The following GNG2 variants were observed in gnomAD, a reference collection of about 807,000 sequenced individuals.
The protein encoded by GNG2 is G protein subunit gamma 2, also known as guanine nucleotide-binding protein G(I)/G(S)/G(O) subunit gamma-2.
Under a neutral mutation model 5.5 loss-of-function variants are expected in GNG2, and 5 were observed. The ratio of observed to expected loss-of-function variants is 0.91; its 90% CI spans 0.48 to 1.92. GNG2 has a LOEUF of 1.92. GNG2 is among the 30% of genes most tolerant of loss of function. The probability of loss-of-function intolerance (pLI) is 0.01; values close to 1 mark genes in which losing one functional copy is unlikely to be tolerated. For missense variants in GNG2, 55 were observed against 88.4 expected, an observed-to-expected ratio of 0.62 and a Z score of 1.52; for synonymous variants, 28 against 32.0, an observed-to-expected ratio of 0.88 and a Z score of 0.42.
At chr14:51,955,149 C>T (rs1330799108) in intron 3 of GNG2, among the ~76,000 whole-genome samples, 1 of 152,108 alleles carries the variant, frequency 6.6e-6, no homozygotes, top group African/African-American at 2.4e-5. Context: ...ATTGGCTGCT[C>T]CATAAATTGA....
chr14:51,827,872 C>CTG, intron 2 of GNG2: 1 of 621,108 alleles, frequency 1.6e-6, no homozygotes, highest in South Asian at 1.9e-5. Flanking sequence ...TGTTTATTCT[C>CTG]TGAGGGAATG....
At chr14:51,872,210 G>C (rs1198109394) in intron 1 of GNG2, among the ~76,000 whole-genome samples, 1 of 152,150 alleles carries the variant, frequency 6.6e-6, no homozygotes, top group Non-Finnish European at 1.5e-5. Flanking sequence ...AGCCTATATG[G>C]ATTGAAACTC....
At chr14:51,936,432 A>T (rs1888007874) in intron 2 of GNG2, among the ~76,000 whole-genome samples, 1 of 151,946 alleles carries the variant, frequency 6.6e-6, no homozygotes, top group Admixed American at 6.6e-5. Context: ...GTGGCTAAAT[A>T]GCTTCTTAAA....
rs547583120 is a variant in GNG2 at position 51,877,939 on chromosome 14, C to T, written c.-30+282C>T. ...GCTGTCTTAACAGAATGTATCCTCA[C>T]GGCACAAACATGATTAATAGGTGGC... On this transcript the variant is annotated intron_variant, in intron 2 of 3. Coordinates refer to ENST00000556766, the MANE Select transcript of GNG2 (RefSeq NM_053064.5). 4.5e-5 allele frequency: 11 copies of T among 245,018 alleles called. No individual in the cohort carries two copies. In the East Asian group the frequency reaches 4.5e-4, roughly 10 times the overall value. The allele number at this position is 245,018 out of a possible 1,614,324, so 15.2% of individuals were successfully genotyped here. A position where few individuals can be genotyped will look rare whatever the true frequency, so the allele number is the denominator to read the frequency against.
intron 2 of GNG2, among the ~76,000 whole-genome samples, chr14:51,904,549 G>A (rs1319674280): frequency 6.6e-6 from 1 of 152,072 alleles, no homozygotes; most frequent in East Asian, 1.9e-4. Context: ...TAAGGCAGCT[G>A]CAGCATGATC....
rs552431913 is a variant in GNG2 at position 51,896,697 on chromosome 14, G to A, written c.-30+19040G>A. On this transcript the variant is annotated intron_variant, in intron 2 of 3. Coordinates refer to ENST00000556766, the MANE Select transcript of GNG2 (RefSeq NM_053064.5). ...TTACTTAGAAGGGAGTATATTTAAG[G>A]TGCTTAATTAATAACTATGGCATTT... Among the ~76,000 whole-genome samples, 14 of 152,206 alleles carry A rather than the reference G, an allele frequency of 9.2e-5. 1 individual carries two copies. Among genetic ancestry groups the A allele is most frequent in the African/African-American group, 3.4e-4 (14 of 41,528 alleles).
At chr14:51,960,439 T>C (rs1228788187) in intron 3 of GNG2, among the ~76,000 whole-genome samples, 3 of 152,076 alleles carry the variant, frequency 2.0e-5, no homozygotes, top group Non-Finnish European at 1.5e-5. Flanking sequence ...AATATTCGTG[T>C]CTATAAATCT....
chr14:51,910,665 C>T (rs1364199891), intron 2 of GNG2, among the ~76,000 whole-genome samples: 1 of 152,164 alleles, frequency 6.6e-6, no homozygotes, highest in South Asian at 2.1e-4. Flanking sequence ...AGCTGAACAG[C>T]CTTGTCTGAG....
rs1594953088 is a variant in GNG2 at position 51,950,677 on chromosome 14, C to T, written c.-2C>T. ...TTTCTGAAAGATCTATCCAGCACTC[C>T]GATGGCCAGCAACAACACCGCCAGC... On this transcript the variant is annotated 5_prime_UTR_variant, in exon 3 of 4. Coordinates refer to ENST00000556766, the MANE Select transcript of GNG2 (RefSeq NM_053064.5). 5 of 1,609,130 alleles carry T rather than the reference C, an allele frequency of 3.1e-6. No homozygotes were observed. The highest frequency in any genetic ancestry group is 2.7e-5 in the African/African-American group (2 of 74,746).
chr14:51,886,843 G>A (rs954261090), intron 2 of GNG2, among the ~76,000 whole-genome samples: 11 of 152,196 alleles, frequency 7.2e-5, no homozygotes, highest in African/African-American at 2.7e-4. Context: ...CTGCCACTGA[G>A]TTCATGCGGT....
chr14:51,926,728 C>T (rs1384500326), intron 2 of GNG2, among the ~76,000 whole-genome samples: 2 of 152,152 alleles, frequency 1.3e-5, no homozygotes, highest in Non-Finnish European at 2.9e-5. Context: ...ATGGAAGCGT[C>T]TTAGCAGGAC....
chr14:51,910,170 T>C (rs547534890), intron 2 of GNG2, among the ~76,000 whole-genome samples: 1 of 152,344 alleles, frequency 6.6e-6, no homozygotes, highest in South Asian at 2.1e-4. Flanking sequence ...TATTTATGTC[T>C]AGAAATTAGC....
intron 2 of GNG2, among the ~76,000 whole-genome samples, chr14:51,848,713 C>CCAA (rs1371019734): frequency 6.6e-6 from 1 of 152,166 alleles, no homozygotes; most frequent in African/African-American, 2.4e-5. Flanking sequence ...GATCAGGAAA[C>CCAA]CAACAGCAAG....
chr14:51,840,003 A>C (rs1881441063), intron 2 of GNG2, among the ~76,000 whole-genome samples: 1 of 152,212 alleles, frequency 6.6e-6, no homozygotes, highest in African/African-American at 2.4e-5. Context: ...TCTTGCAATA[A>C]GCATTAGAAA....
At chr14:51,936,164 C>T (rs1887991862) in intron 2 of GNG2, among the ~76,000 whole-genome samples, 1 of 152,142 alleles carries the variant, frequency 6.6e-6, no homozygotes, top group South Asian at 2.1e-4. Context: ...AAACCTGTAT[C>T]ACAAGTGATT....
At chr14:51,943,458 C>T (rs1378834341) in intron 2 of GNG2, among the ~76,000 whole-genome samples, 1 of 152,204 alleles carries the variant, frequency 6.6e-6, no homozygotes, top group Non-Finnish European at 1.5e-5. Context: ...TGTGTCTGTG[C>T]TTCCCTGTTG....
chr14:51,851,022 C>T (rs1158880562), intron 2 of GNG2, among the ~76,000 whole-genome samples: 1 of 152,188 alleles, frequency 6.6e-6, no homozygotes, highest in Non-Finnish European at 1.5e-5. Flanking sequence ...ATAGGCAATG[C>T]CAACCCACCG....
intron 2 of GNG2, chr14:51,847,511 G>C (rs976940251): frequency 1.3e-5 from 2 of 152,154 alleles, no homozygotes; most frequent in African/African-American, 4.8e-5. Flanking sequence ...AGTATCTGTT[G>C]AGTCTTGTTT....
chr14:51,904,224 G>T (rs1411066670), intron 2 of GNG2, among the ~76,000 whole-genome samples: 2 of 152,136 alleles, frequency 1.3e-5, no homozygotes, highest in Admixed American at 6.5e-5. Flanking sequence ...GTCTCTGAAA[G>T]CCCAGAGTAG....
Sources: allele counts gnomAD v4.1 joint callset (sites outside exome capture counted in the v4.1 genomes callset), GRCh38; gene constraint gnomAD v4.1.1; transcripts MANE v1.5; gene names NCBI Gene and HGNC (gene_info 2026-07-23, HGNC 2026-07-21).